The following PCDH9 variants were observed in gnomAD, a reference collection of about 807,000 sequenced individuals.
The protein encoded by PCDH9 is protocadherin 9.
PCDH9 carries 24 observed loss-of-function variants against 70.6 expected under a neutral mutation model. The observed-to-expected ratio is 0.34, with a 90% CI of 0.25 to 0.48. PCDH9 has a LOEUF of 0.48. Ranked by LOEUF, PCDH9 falls within the 20% of genes least tolerant of loss-of-function variation. PCDH9 has a pLI of 0.99. For synonymous variants in PCDH9, 562 were observed against 558.5 expected (o/e 1.01, Z -0.09); for missense variants, 1,281 against 1,503.6 (o/e 0.85, Z 2.45).
chr13:67,003,257 C>T (rs1436638377), intron 2 of PCDH9, among the ~76,000 whole-genome samples: 1 of 151,852 alleles, frequency 6.6e-6, no homozygotes, highest in African/African-American at 2.4e-5. Context: ...ATGTCAAAAG[C>T]GACTTTACAA....
At position 66,602,853 on chromosome 13, in the gene PCDH9, C is replaced by G. The variant is rs1017878813; in HGVS notation, c.3340+28357G>C. Among the ~76,000 whole-genome samples, 9 of 145,446 alleles carry G rather than the reference C, an allele frequency of 6.2e-5. 1 individual carries two copies. Among genetic ancestry groups the G allele is most frequent in the African/African-American group, 2.2e-4 (9 of 40,342 alleles). ...AGTATACCATCTTTGATCTTTTATA[C>G]TGTATGTTTACTGTACCTTTATAAT... On this transcript the variant is annotated intron_variant, in intron 4 of 4. Coordinates refer to ENST00000377865, the MANE Select transcript of PCDH9 (RefSeq NM_203487.3).
intron 3 of PCDH9, among the ~76,000 whole-genome samples, chr13:66,681,274 AT>A (rs2078315503): frequency 6.6e-6 from 1 of 152,122 alleles, no homozygotes; most frequent in Admixed American, 6.6e-5. Context: ...TCCAGTTTTC[AT>A]TTTAAACAAC....
chr13:66,658,108 A>C (rs2077957638), intron 3 of PCDH9, among the ~76,000 whole-genome samples: 1 of 152,150 alleles, frequency 6.6e-6, no homozygotes, highest in African/African-American at 2.4e-5. Context: ...CAGGTACTTA[A>C]ACATCTGAAG....
At chr13:66,749,006 T>C (rs1376731589) in intron 3 of PCDH9, among the ~76,000 whole-genome samples, 1 of 152,166 alleles carries the variant, frequency 6.6e-6, no homozygotes, top group Non-Finnish European at 1.5e-5. Flanking sequence ...GCTTCCCCCT[T>C]CATTCATTTT....
At chr13:66,911,689 C>A (rs1166339528) in intron 2 of PCDH9, among the ~76,000 whole-genome samples, 2 of 152,134 alleles carry the variant, frequency 1.3e-5, no homozygotes, top group African/African-American at 4.8e-5. Context: ...AGCCATTTCA[C>A]AAGAGCAATA....
intron 4 of PCDH9, among the ~76,000 whole-genome samples, chr13:66,562,819 T>C (rs915607414): frequency 1.3e-5 from 2 of 152,160 alleles, no homozygotes; most frequent in Non-Finnish European, 2.9e-5. Context: ...ACAGGACTCA[T>C]AGAGCCATTT....
At chr13:66,592,225 CA>C (rs2077047445) in intron 4 of PCDH9, among the ~76,000 whole-genome samples, 1 of 151,452 alleles carries the variant, frequency 6.6e-6, no homozygotes, top group South Asian at 2.1e-4. Context: ...AAAACAACAA[CA>C]AAAAAATAGA....
intron 3 of PCDH9, among the ~76,000 whole-genome samples, chr13:66,824,293 T>G (rs1360084087): frequency 7.3e-6 from 1 of 137,316 alleles, no homozygotes; most frequent in Admixed American, 7.4e-5. Flanking sequence ...TTGCCCTCAT[T>G]TGTTTGAAAG....
At chr13:66,994,354 T>C (rs1292886396) in intron 2 of PCDH9, among the ~76,000 whole-genome samples, 4 of 152,118 alleles carry the variant, frequency 2.6e-5, no homozygotes, top group African/African-American at 9.7e-5. Context: ...ACGCAGTAGC[T>C]CCCCTCACCC....
intron 2 of PCDH9, among the ~76,000 whole-genome samples, chr13:66,980,321 T>C (rs1407023647): frequency 1.3e-5 from 2 of 152,020 alleles, no homozygotes; most frequent in Non-Finnish European, 2.9e-5. Flanking sequence ...CACAAATGAC[T>C]CCATCCAAGT....
intron 3 of PCDH9, among the ~76,000 whole-genome samples, chr13:66,870,719 A>T (rs1351190462): frequency 6.6e-6 from 1 of 152,186 alleles, no homozygotes; most frequent in Non-Finnish European, 1.5e-5. Context: ...AATGGCAATC[A>T]TTAAAAAGTC....
chr13:66,494,333 T>G (rs1959080903), intron 4 of PCDH9, among the ~76,000 whole-genome samples: 1 of 152,134 alleles, frequency 6.6e-6, no homozygotes, highest in African/African-American at 2.4e-5. Context: ...TACTGAAACA[T>G]TCTACCACAG....
intron 2 of PCDH9, among the ~76,000 whole-genome samples, chr13:67,143,001 T>C (rs561765961): frequency 9.8e-4 from 147 of 150,572 alleles, no homozygotes; most frequent in Admixed American, 7.7e-3. Context: ...AGAGCTAGAC[T>C]ACGTATCAAA....
chr13:66,822,704 T>C (rs1383321696), intron 3 of PCDH9, among the ~76,000 whole-genome samples: 1 of 151,964 alleles, frequency 6.6e-6, no homozygotes, highest in East Asian at 1.9e-4. Context: ...TTTTGTATTT[T>C]TAGTAGAGAT....
At chr13:66,976,022 T>C (rs1159834516) in intron 2 of PCDH9, among the ~76,000 whole-genome samples, 1 of 151,866 alleles carries the variant, frequency 6.6e-6, no homozygotes, top group African/African-American at 2.4e-5. Context: ...GAAGGTGAAA[T>C]TGGTAGAGAA....
intron 4 of PCDH9, among the ~76,000 whole-genome samples, chr13:66,424,063 A>C (rs1957621625): frequency 6.6e-6 from 1 of 152,084 alleles, no homozygotes; most frequent in Non-Finnish European, 1.5e-5. Context: ...TCATGAGCCA[A>C]CTCCCATTCA....
chr13:66,628,038 A>G (rs1306834616), intron 4 of PCDH9, among the ~76,000 whole-genome samples: 1 of 152,180 alleles, frequency 6.6e-6, no homozygotes, highest in East Asian at 1.9e-4. Flanking sequence ...CTATGATTGG[A>G]AAACTCAAAT....
At chr13:66,314,218 T>G (rs897975676) in intron 4 of PCDH9, among the ~76,000 whole-genome samples, 1 of 152,256 alleles carries the variant, frequency 6.6e-6, no homozygotes, top group African/African-American at 2.4e-5. Flanking sequence ...AGAACTTACC[T>G]GTCTGCCTTC....
At chr13:67,168,770 A>G (rs987397072) in intron 2 of PCDH9, among the ~76,000 whole-genome samples, 1 of 152,178 alleles carries the variant, frequency 6.6e-6, no homozygotes, top group African/African-American at 2.4e-5. Context: ...CATGAGAAAA[A>G]TACTCAGAAA....
Sources: allele counts gnomAD v4.1 joint callset (sites outside exome capture counted in the v4.1 genomes callset), GRCh38; gene constraint gnomAD v4.1.1; transcripts MANE v1.5; gene names NCBI Gene and HGNC (gene_info 2026-07-23, HGNC 2026-07-21).